The following LRMDA variants were observed in gnomAD, a reference collection of about 807,000 sequenced individuals.
LRMDA encodes leucine-rich melanocyte differentiation-associated protein.
A neutral mutation model predicts 29.8 loss-of-function variants in LRMDA; 18 were observed. The observed-to-expected ratio is 0.60, with a 90% CI of 0.42 to 0.90. LRMDA has a LOEUF of 0.90. Among genes scored for constraint, LRMDA ranks in the 40% least tolerant of loss-of-function variants. The pLI, the probability that LRMDA is intolerant of heterozygous loss-of-function variation, is 0.00. For missense variants in LRMDA, 273 were observed against 273.9 expected (o/e 1.00, Z 0.02); for synonymous variants, 125 against 109.4 (o/e 1.14, Z -0.89).
chr10:76,028,586 G>A (rs1173575692), intron 2 of LRMDA, among the ~76,000 whole-genome samples: 1 of 151,848 alleles, frequency 6.6e-6, no homozygotes, highest in African/African-American at 2.4e-5. Flanking sequence ...CCCTATAAAT[G>A]TGATAAACAT....
intron 6 of LRMDA, among the ~76,000 whole-genome samples, 177 bp downstream of exon 6, chr10:76,324,662 T>G (rs1370155994): frequency 6.6e-6 from 1 of 152,180 alleles, no homozygotes; most frequent in Non-Finnish European, 1.5e-5. Context: ...TTAAACAGAA[T>G]TTAGTAGCAG....
intron 2 of LRMDA, among the ~76,000 whole-genome samples, chr10:75,935,881 G>T (rs1324420486): frequency 6.6e-6 from 1 of 152,170 alleles, no homozygotes; most frequent in East Asian, 1.9e-4. Context: ...TGTCAGTAGT[G>T]ACAGCAGAAA....
chr10:75,590,235 T>C (rs1030277573), intron 2 of LRMDA, among the ~76,000 whole-genome samples: 1 of 152,106 alleles, frequency 6.6e-6, no homozygotes, highest in East Asian at 1.9e-4. Context: ...CCTAGGCTGG[T>C]CTTGAACTCC....
At chr10:76,308,945 T>C (rs1024991810) in intron 5 of LRMDA, among the ~76,000 whole-genome samples, 3 of 152,142 alleles carry the variant, frequency 2.0e-5, no homozygotes, top group Non-Finnish European at 4.4e-5. Context: ...GTGTAAAGTC[T>C]TGGGGTCTTT....
intron 5 of LRMDA, among the ~76,000 whole-genome samples, chr10:76,128,341 C>T (rs543113541): frequency 1.3e-5 from 2 of 152,118 alleles, no homozygotes; most frequent in African/African-American, 4.8e-5. Context: ...GATGGGAAAC[C>T]CTGAGTTGGT....
intron 2 of LRMDA, among the ~76,000 whole-genome samples, chr10:75,980,138 G>A (rs1186956787): frequency 6.6e-6 from 1 of 152,198 alleles, no homozygotes; most frequent in Non-Finnish European, 1.5e-5. Flanking sequence ...CACTCAAAGG[G>A]ATAATTCGTG....
At chr10:76,533,635 T>C (rs1016024476) in intron 6 of LRMDA, among the ~76,000 whole-genome samples, 5 of 152,180 alleles carry the variant, frequency 3.3e-5, no homozygotes, top group Non-Finnish European at 5.9e-5. Context: ...ATTTTAAGAA[T>C]AGACACTGTC....
intron 2 of LRMDA, among the ~76,000 whole-genome samples, chr10:75,679,727 C>T (rs1842001925): frequency 1.3e-5 from 2 of 152,164 alleles, no homozygotes; most frequent in African/African-American, 4.8e-5. Flanking sequence ...CCATTCTGTT[C>T]TGTCACCAGT....
intron 6 of LRMDA, among the ~76,000 whole-genome samples, chr10:76,549,079 T>G (rs1843456341): frequency 1.3e-5 from 2 of 152,152 alleles, no homozygotes; most frequent in Non-Finnish European, 2.9e-5. Flanking sequence ...GCCCTGCATT[T>G]TTTTCTCCTC....
At chr10:75,766,979 T>A (rs1480926952) in intron 2 of LRMDA, among the ~76,000 whole-genome samples, 1 of 152,224 alleles carries the variant, frequency 6.6e-6, no homozygotes, top group Non-Finnish European at 1.5e-5. Flanking sequence ...TAATTCATCC[T>A]TTTTTATGGC....
intron 5 of LRMDA, among the ~76,000 whole-genome samples, chr10:76,279,333 C>T (rs1840173372): frequency 6.6e-6 from 1 of 152,078 alleles, no homozygotes; most frequent in African/African-American, 2.4e-5. Context: ...ATAGCAGTGC[C>T]TGGAACATAA....
intron 5 of LRMDA, among the ~76,000 whole-genome samples, chr10:76,250,387 T>C (rs538967358): frequency 3.9e-5 from 6 of 152,324 alleles, no homozygotes; most frequent in African/African-American, 1.2e-4. Flanking sequence ...ATTGCAAGCT[T>C]TGATGATAAA....
At chr10:75,730,377 T>C (rs1045539436) in intron 2 of LRMDA, among the ~76,000 whole-genome samples, 7 of 152,140 alleles carry the variant, frequency 4.6e-5, no homozygotes, top group African/African-American at 9.7e-5. Flanking sequence ...ATTCACCTCT[T>C]CAGTATGGTG....
chr10:76,461,158 T>G (rs1314675355), intron 6 of LRMDA, among the ~76,000 whole-genome samples: 3 of 152,106 alleles, frequency 2.0e-5, no homozygotes, highest in Admixed American at 6.5e-5. Context: ...CCTGGAAACA[T>G]AATGGGAGTG....
At position 76,180,277 on chromosome 10, in the gene LRMDA, C is replaced by CTT. The variant is rs34563574; in HGVS notation, c.516+121519_516+121520dup. 2.4e-3 allele frequency among the ~76,000 whole-genome samples: 218 copies of CTT among 89,864 alleles called. 1 individual carries two copies. Among genetic ancestry groups the CTT allele is most frequent in the Non-Finnish European group, 3.0e-3 (145 of 48,794 alleles). 59.0% of individuals were successfully genotyped at this position (89,864 alleles called of 152,430 possible). A position where few individuals can be genotyped will look rare whatever the true frequency, so the allele number is the denominator to read the frequency against. ...GCCATGGCCACTGCTTTGGAAAAAACTTTTTTTTTTTTTTTTTTTTTTTTT... is the reference window on the plus strand; with the variant it reads ...GCCATGGCCACTGCTTTGGAAAAAACTTTTTTTTTTTTTTTTTTTTTTTTTTT... On this transcript the variant is annotated intron_variant, in intron 5 of 6. Transcript: ENST00000611255.
At chr10:76,318,439 G>A (rs1027844046) in intron 5 of LRMDA, 2 of 152,282 alleles carry the variant, frequency 1.3e-5, no homozygotes, top group East Asian at 3.8e-4. Flanking sequence ...ATTCCAGAGA[G>A]GTTTTTGACA....
At chr10:75,818,740 T>G (rs1459567433) in intron 2 of LRMDA, among the ~76,000 whole-genome samples, 1 of 152,136 alleles carries the variant, frequency 6.6e-6, no homozygotes, top group African/African-American at 2.4e-5. Context: ...TAACTGCTGG[T>G]TTTCTTCTGT....
chr10:75,786,090 G>A (rs1843468186), intron 2 of LRMDA, among the ~76,000 whole-genome samples: 1 of 152,222 alleles, frequency 6.6e-6, no homozygotes, highest in African/African-American at 2.4e-5. Flanking sequence ...CGATATGCTG[G>A]AAAAGAGATA....
chr10:75,961,449 A>C (rs566497408), intron 2 of LRMDA, among the ~76,000 whole-genome samples: 1 of 152,336 alleles, frequency 6.6e-6, no homozygotes, highest in Non-Finnish European at 1.5e-5. Context: ...CTAAAGCTCT[A>C]GAAGTAGAAA....
Sources: allele counts gnomAD v4.1 joint callset (sites outside exome capture counted in the v4.1 genomes callset), GRCh38; gene constraint gnomAD v4.1.1; transcripts MANE v1.5; gene names NCBI Gene and HGNC (gene_info 2026-07-23, HGNC 2026-07-21).